The following REXO5 variants were observed in gnomAD, a reference collection of about 807,000 sequenced individuals.
The protein encoded by REXO5 is exonuclease NEF-sp.
A neutral mutation model predicts 88.5 loss-of-function variants in REXO5; 48 were observed. The observed-to-expected ratio is 0.54, with a 90% confidence interval of 0.43 to 0.69. The LOEUF (loss-of-function observed/expected upper bound fraction) is 0.69. Among genes scored for constraint, REXO5 ranks in the 30% least tolerant of loss-of-function variants. The pLI is 0.00. For missense variants in REXO5, 749 were observed against 912.2 expected (o/e 0.82, Z 2.30); for synonymous variants, 311 against 336.5 (o/e 0.92, Z 0.83).
At chr16:20,807,585 G>GAAAAAA (rs1013842567) in intron 2 of REXO5, among the ~76,000 whole-genome samples, 1 of 50,582 alleles carries the variant, frequency 2.0e-5, no homozygotes, top group Admixed American at 2.5e-4. Flanking sequence ...TCACGTCTCA[G>GAAAAAA]AAAAAAAAAA....
Position 20,807,100 on chromosome 16 carries a change from C to T in REXO5, c.138+9C>T. ...GTCAGCCCGAGGCCAAGGTGAGCAA[C>T]GGGGATCCCGAGCAGGCGGCCCTAG... is the stretch of plus-strand genomic sequence containing the variant. On this transcript the variant is annotated intron_variant, in intron 2 of 19. Transcript: ENST00000261377. The T allele has an allele frequency of 1.3e-6, 2 of 1,598,254 alleles. No homozygotes were observed. The highest frequency in any genetic ancestry group is 1.1e-5 in the South Asian group (1 of 87,902).
At chr16:20,826,881 A>T (rs1410703884) in intron 8 of REXO5, among the ~76,000 whole-genome samples, 177 bp from the exon 9 acceptor site, 1 of 152,262 alleles carries the variant, frequency 6.6e-6, no homozygotes, top group Non-Finnish European at 1.5e-5. Flanking sequence ...AATGTAAAAA[A>T]GCAATCATCT....
In REXO5 at chr16:20,845,230, G is replaced by A. The variant is rs1438413598; in HGVS notation, c.2113G>A (p.Glu705Lys). The A allele has an allele frequency of 3.1e-6, 5 of 1,612,588 alleles. No homozygotes were observed. Among genetic ancestry groups the A allele is most frequent in the African/African-American group, 2.7e-5 (2 of 74,898 alleles). Reference sequence around the variant, plus strand: ...TGTTGTACCTCCCCCCTTTGAACAGGAGGCCTTGCAGGTGAGTGAGTGAAG... The same window carrying A: ...TGTTGTACCTCCCCCCTTTGAACAGAAGGCCTTGCAGGTGAGTGAGTGAAG... ...LRVVPPPFEQ[E>K]ALQTLKLDHP... Residue 705 changes from glutamate to lysine, a missense_variant, in exon 18 of 20, where the codon GAG (glutamate) becomes AAG (lysine). Physicochemically the swap from Glu to Lys is moderately conservative, Grantham distance 56 (BLOSUM62 1). Coordinates refer to ENST00000261377, the MANE Select transcript of REXO5 (RefSeq NM_030941.3).
In REXO5 at chr16:20,832,234, G is replaced by A. The variant is rs907497561; in HGVS notation, c.1237G>A (p.Glu413Lys). ...AGGCCAAGAGCCTAAAAACACAGCA[G>A]AAGTACTTCAGCACCCAAACACAAG... ...AAGQEPKNTA[E>K]VLQHPNTSVL... The change falls in exon 12 of 20, where the codon GAA (glutamate) becomes AAA (lysine). Residue 413 changes from glutamate (E) to lysine (K), a missense_variant. Physicochemically the swap from Glu to Lys is moderately conservative, Grantham distance 56. Coordinates refer to ENST00000261377, the MANE Select transcript of REXO5 (RefSeq NM_030941.3). The A allele has an allele frequency of 1.9e-6, 3 of 1,611,034 alleles. No individual in the cohort carries two copies. The highest frequency in any genetic ancestry group is 2.5e-6 in the Non-Finnish European group (3 of 1,178,358).
At chr16:20,822,085 G>A (rs895945577) in intron 6 of REXO5, among the ~76,000 whole-genome samples, 183 bp downstream of exon 6, 2 of 152,154 alleles carry the variant, frequency 1.3e-5, no homozygotes, top group African/African-American at 4.8e-5. Context: ...TGTCTACCGT[G>A]ATTGGCAAAG....
chr16:20,818,834 T>C (rs980077910), intron 5 of REXO5, among the ~76,000 whole-genome samples: 1 of 152,214 alleles, frequency 6.6e-6, no homozygotes, highest in Non-Finnish European at 1.5e-5. Flanking sequence ...GTTTGTTACA[T>C]AGGTAAATGT....
chr16:20,844,934 G>T, intron 17 of REXO5, 89 bp downstream of exon 17: 4 of 1,535,022 alleles, frequency 2.6e-6, no homozygotes, highest in Non-Finnish European at 2.7e-6. Context: ...TCACCTCCTG[G>T]GCTGGACCAG....
At position 20,814,279 on chromosome 16, in the gene REXO5, T is replaced by C. The variant is rs577000388; in HGVS notation, c.252-648T>C. Among the ~76,000 whole-genome samples the C allele has an allele frequency of 1.3e-3, 205 of 152,236 alleles. 1 individual carries two copies. Among genetic ancestry groups the C allele is most frequent in the African/African-American group, 4.7e-3 (197 of 41,546 alleles). On this transcript the variant is annotated intron_variant, in intron 3 of 19. Transcript: ENST00000261377. The stretch of plus-strand genomic sequence containing the variant: ...GGGGATGGAGCCTCGCTCTGTCACC[T>C]AGGCTGGAGTGCAGTGGCACGATCT...
chr16:20,846,176 G>T (rs765591732), intron 18 of REXO5, 45 bp from the exon 19 acceptor site: 1 of 1,455,160 alleles, frequency 6.9e-7, no homozygotes, highest in Non-Finnish European at 9.7e-7. Flanking sequence ...CAAAGGTAAC[G>T]AGAGAGTGTT....
At chr16:20,806,479 C>T (rs1468538335), upstream of REXO5, 1 of 1,549,380 alleles carries the variant, frequency 6.5e-7, no homozygotes, top group Non-Finnish European at 8.7e-7. Flanking sequence ...AGTCGCTCGA[C>T]TTCTACTTCC....
intron 19 of REXO5, among the ~76,000 whole-genome samples, chr16:20,848,626 G>A (rs2081646822): frequency 6.6e-6 from 1 of 152,192 alleles, no homozygotes; most frequent in Non-Finnish European, 1.5e-5. Context: ...GACAGATTCT[G>A]TGTTTGTCTT....
intron 19 of REXO5, among the ~76,000 whole-genome samples, chr16:20,846,924 C>G (rs1384982055): frequency 6.6e-6 from 1 of 152,074 alleles, no homozygotes; most frequent in Non-Finnish European, 1.5e-5. Flanking sequence ...ATTTTCAAAC[C>G]CTTTTAACTG....
intron 5 of REXO5, among the ~76,000 whole-genome samples, chr16:20,820,819 C>G (rs1419845115): frequency 6.6e-6 from 1 of 151,618 alleles, no homozygotes; most frequent in Non-Finnish European, 1.5e-5. Flanking sequence ...CTACCTCAGC[C>G]TCCCAAAGTG....
intron 3 of REXO5, 48 bp downstream of exon 3, chr16:20,813,350 T>TCTTTTTC (rs200534402): frequency 1.2e-5 from 11 of 882,662 alleles, no homozygotes; most frequent in African/African-American, 1.2e-4. Flanking sequence ...GTTTCTTTTT[T>TCTTTTTC]TTTTTTTTTT....
chr16:20,824,589 TTTC>T (rs2081233784), intron 7 of REXO5, 62 bp downstream of exon 7: 1 of 1,021,776 alleles, frequency 9.8e-7, no homozygotes, highest in Non-Finnish European at 1.5e-6. Context: ...TAGAAAATGA[TTTC>T]TTGAGTCTAA....
chr16:20,846,182 G>C, intron 18 of REXO5, 39 bp from the exon 19 acceptor site: 1 of 1,487,332 alleles, frequency 6.7e-7, no homozygotes, highest in African/African-American at 1.4e-5. Context: ...TAACGAGAGA[G>C]TGTTCTGGCT....
intron 5 of REXO5, among the ~76,000 whole-genome samples, chr16:20,820,711 A>T (rs896328056): frequency 1.3e-5 from 2 of 150,702 alleles, no homozygotes; most frequent in African/African-American, 4.9e-5. Flanking sequence ...TTACAGGTGC[A>T]TGCCACTACA....
In REXO5 at chr16:20,827,362, C is replaced by T. The variant is rs1337717102; in HGVS notation, c.970C>T (p.Pro324Ser). ...LDLRALKMIH[P>S]YVIDTSLLYV... ...TCTCTTTCTTCCTCAGATGATACAT[C>T]CATATGTTATTGATACATCGTTGCT... Residue 324 changes from proline (P) to serine (S), a missense_variant, in exon 10 of 20, where the codon CCA (proline) becomes TCA (serine). Transcript: ENST00000261377. The T allele has an allele frequency of 6.2e-7, 1 of 1,612,416 alleles. No individual in the cohort carries two copies. Among genetic ancestry groups the T allele is most frequent in the Admixed American group, 1.7e-5 (1 of 59,934 alleles).
At chr16:20,847,607 C>T (rs9925428) in intron 19 of REXO5, among the ~76,000 whole-genome samples, 65,134 of 152,008 alleles carry the variant, frequency 0.43, 16,425 homozygotes, top group Non-Finnish European at 0.58. Flanking sequence ...TTGAAAGAAC[C>T]GCTTTCTCTG....
Sources: gnomAD v4.1 joint callset for allele counts (sites outside exome capture counted in the v4.1 genomes callset) on GRCh38, gnomAD v4.1.1 for gene constraint, MANE v1.5 for transcripts, NCBI Gene and HGNC (gene_info 2026-07-23, HGNC 2026-07-21) for gene names.